Variants in ANAPC10 observed in about 807,000 individuals in gnomAD.
ANAPC10 encodes the protein anaphase-promoting complex subunit 10.
ANAPC10 carries 12 observed loss-of-function variants against 22.0 expected under a neutral mutation model. The ratio of observed to expected loss-of-function variants is 0.55; its 90% CI spans 0.35 to 0.88. The LOEUF is 0.88. Ranked by LOEUF, ANAPC10 falls within the 40% of genes least tolerant of loss-of-function variation. The pLI, the probability that ANAPC10 is intolerant of heterozygous loss-of-function variation, is 0.01. For synonymous variants in ANAPC10, 65 were observed against 69.5 expected (o/e 0.94, Z 0.32); for missense variants, 188 against 220.9 (o/e 0.85, Z 0.94).
intron 3 of ANAPC10, among the ~76,000 whole-genome samples, chr4:145,066,050 T>C (rs887280512): frequency 6.6e-6 from 1 of 152,132 alleles, no homozygotes; most frequent in African/African-American, 2.4e-5. Flanking sequence ...GCTTTAAAAG[T>C]TAAGTTCTAG....
Position 145,034,543 on chromosome 4 carries a change from A to ATG in ANAPC10, c.327+30027_327+30028dup, listed in dbSNP as rs1553968684. ...CTCCTTTATATATATATATATATAT[A>ATG]TGTGTGTGTGTGTGTGTGTGTGTGT... On this transcript the variant is annotated intron_variant, in intron 4 of 4. Coordinates refer to ENST00000507656, the MANE Select transcript of ANAPC10 (RefSeq NM_001256706.2). Among the ~76,000 whole-genome samples, 32 of 133,850 alleles carry ATG rather than the reference A, an allele frequency of 2.4e-4. 1 individual carries two copies. The highest frequency in any genetic ancestry group is 9.1e-4 in the African/African-American group (30 of 33,032). 87.8% of individuals were successfully genotyped at this position (133,850 alleles called of 152,430 possible). A position where few individuals can be genotyped will look rare whatever the true frequency, so the allele number is the denominator to read the frequency against.
At chr4:145,008,530 A>G (rs191125747) in intron 4 of ANAPC10, among the ~76,000 whole-genome samples, 98 of 152,354 alleles carry the variant, frequency 6.4e-4, no homozygotes, top group Middle Eastern at 3.4e-3. Flanking sequence ...GGCTGGTTCA[A>G]CATATGCAAA....
chr4:145,083,970 CTTT>C (rs920595579), intron 2 of ANAPC10, among the ~76,000 whole-genome samples: 23 of 146,526 alleles, frequency 1.6e-4, no homozygotes, highest in Non-Finnish European at 2.9e-4. Flanking sequence ...TATTACAGAT[CTTT>C]TTTTTTTTTC....
chr4:145,015,470 G>A (rs1036445293), intron 4 of ANAPC10, among the ~76,000 whole-genome samples: 1 of 151,970 alleles, frequency 6.6e-6, no homozygotes, highest in Non-Finnish European at 1.5e-5. Context: ...AGAATAATCG[G>A]TGTTCCTGAA....
chr4:145,096,469 T>C (rs1033586603), intron 1 of ANAPC10, among the ~76,000 whole-genome samples: 3 of 152,176 alleles, frequency 2.0e-5, no homozygotes, highest in African/African-American at 4.8e-5. Context: ...TGAGCTATAG[T>C]AGTCAAAAGA....
chr4:145,036,372 T>C (rs1738536565), intron 4 of ANAPC10, among the ~76,000 whole-genome samples: 1 of 152,192 alleles, frequency 6.6e-6, no homozygotes, highest in Non-Finnish European at 1.5e-5. Context: ...CGTACATGCA[T>C]TTAGAAATAT....
chr4:145,018,039 G>C (rs1294776995), intron 4 of ANAPC10, among the ~76,000 whole-genome samples: 1 of 151,354 alleles, frequency 6.6e-6, no homozygotes, highest in East Asian at 1.9e-4. Flanking sequence ...AATGGGTGCA[G>C]CACACCAACA....
At chr4:145,000,271 G>A (rs939571773) in intron 4 of ANAPC10, among the ~76,000 whole-genome samples, 1 of 151,932 alleles carries the variant, frequency 6.6e-6, no homozygotes, top group African/African-American at 2.4e-5. Flanking sequence ...AGGCAAAAAA[G>A]GCAACCTAAA....
intron 3 of ANAPC10, among the ~76,000 whole-genome samples, chr4:145,065,765 C>A (rs990024273): frequency 6.6e-6 from 1 of 151,746 alleles, no homozygotes; most frequent in Non-Finnish European, 1.5e-5. Context: ...ACAATATATA[C>A]AGAAGAATCA....
chr4:145,082,363 G>A (rs190849202), intron 2 of ANAPC10, among the ~76,000 whole-genome samples: 13 of 152,222 alleles, frequency 8.5e-5, no homozygotes, highest in East Asian at 5.8e-4. Flanking sequence ...GGGTCAGGCC[G>A]GTCTCGAACT....
At chr4:145,034,644 A>G (rs1014455311) in intron 4 of ANAPC10, among the ~76,000 whole-genome samples, 16 of 150,940 alleles carry the variant, frequency 1.1e-4, no homozygotes, top group African/African-American at 3.7e-4. Context: ...TATCCTATAT[A>G]CAGGATAAAA....
intron 4 of ANAPC10, among the ~76,000 whole-genome samples, chr4:145,019,111 A>G (rs1377633662): frequency 6.6e-6 from 1 of 152,204 alleles, no homozygotes; most frequent in Non-Finnish European, 1.5e-5. Flanking sequence ...TAACAGCTAT[A>G]TACAGAACAT....
At position 145,095,685 on chromosome 4, in the gene ANAPC10, C is replaced by CGA. The variant is rs975577061; in HGVS notation, c.115+298_115+299dup. Among the ~76,000 whole-genome samples the CGA allele has an allele frequency of 6.1e-4, 93 of 152,210 alleles. 2 individuals are homozygous for CGA. Among genetic ancestry groups the CGA allele is most frequent in the African/African-American group, 2.1e-3 (88 of 41,534 alleles). Reference sequence around the variant, plus strand: ...AGGGTACAATATAATATTTTGAGAGCGAGAGAGACCACTTTCACAAAACTT... The same window carrying CGA: ...AGGGTACAATATAATATTTTGAGAGCGAGAGAGAGACCACTTTCACAAAACTT... On this transcript the variant is annotated intron_variant, in intron 2 of 4. Coordinates refer to ENST00000507656, the MANE Select transcript of ANAPC10 (RefSeq NM_001256706.2).
At chr4:145,047,375 T>G (rs1398802051) in intron 4 of ANAPC10, among the ~76,000 whole-genome samples, 1 of 152,128 alleles carries the variant, frequency 6.6e-6, no homozygotes, top group Non-Finnish European at 1.5e-5. Flanking sequence ...TAGAGAACTC[T>G]GCGTTCAATG....
Position 145,028,094 on chromosome 4 carries a change from A to G in ANAPC10, c.328-32491T>C, listed in dbSNP as rs558869971. 2.0e-5 allele frequency among the ~76,000 whole-genome samples: 3 copies of G among 152,320 alleles called. No homozygotes were observed. In the South Asian group the frequency reaches 6.2e-4, roughly 32 times the overall value. On this transcript the variant is annotated intron_variant, in intron 4 of 4. Coordinates refer to ENST00000507656, the MANE Select transcript of ANAPC10 (RefSeq NM_001256706.2). Reference sequence around the variant, plus strand: ...GCTGAAAGAGCTGTTAGATGGTGTGATGGTTAATACCGAGTGTCAACTTAA... The same window carrying G: ...GCTGAAAGAGCTGTTAGATGGTGTGGTGGTTAATACCGAGTGTCAACTTAA...
At chr4:145,068,896 G>A (rs1050631289) in intron 3 of ANAPC10, among the ~76,000 whole-genome samples, 3 of 152,154 alleles carry the variant, frequency 2.0e-5, no homozygotes, top group Non-Finnish European at 2.9e-5. Flanking sequence ...GTGACAGAGC[G>A]AAACTCCATC....
At chr4:145,018,388 C>A (rs949415821) in intron 4 of ANAPC10, among the ~76,000 whole-genome samples, 1 of 151,978 alleles carries the variant, frequency 6.6e-6, no homozygotes, top group Non-Finnish European at 1.5e-5. Context: ...AATCCCAAGG[C>A]TTTGGGAGGC....
chr4:145,016,718 C>G (rs1735218206), intron 4 of ANAPC10, among the ~76,000 whole-genome samples: 1 of 152,176 alleles, frequency 6.6e-6, no homozygotes, highest in African/African-American at 2.4e-5. Context: ...TCACTTCAAA[C>G]TATACTACAA....
chr4:145,078,849 T>C (rs576425958), intron 3 of ANAPC10, among the ~76,000 whole-genome samples: 62 of 152,214 alleles, frequency 4.1e-4, no homozygotes, highest in African/African-American at 1.5e-3. Context: ...ATCAGACCCC[T>C]CCCTTTCACC....
Sources: allele counts gnomAD v4.1 joint callset (sites outside exome capture counted in the v4.1 genomes callset), GRCh38; gene constraint gnomAD v4.1.1; transcripts MANE v1.5; gene names NCBI Gene and HGNC (gene_info 2026-07-23, HGNC 2026-07-21).